HKDC1: variants seen among roughly 807,000 people sequenced by gnomAD.
HKDC1 encodes hexokinase domain containing 1.
A neutral mutation model predicts 96.6 loss-of-function variants in HKDC1; 66 were observed. That is an observed-to-expected ratio of 0.68 (90% CI 0.56 to 0.84). The LOEUF (loss-of-function observed/expected upper bound fraction) is 0.84. HKDC1 is among the 40% of genes least tolerant of loss of function. HKDC1 has a pLI of 0.00. For missense variants in HKDC1, 1,211 were observed against 1,208.1 expected (o/e 1.00, Z -0.04); for synonymous variants, 466 against 473.1 (o/e 0.98, Z 0.20).
At chr10:69,252,379 C>A (rs1843656123) in intron 12 of HKDC1, among the ~76,000 whole-genome samples, 1 of 152,102 alleles carries the variant, frequency 6.6e-6, no homozygotes, top group African/African-American at 2.4e-5. Context: ...GGAGCGGTGG[C>A]TCATGCCTAT....
At chr10:69,222,238 A>C (rs1047763500) in intron 1 of HKDC1, among the ~76,000 whole-genome samples, 12 of 152,228 alleles carry the variant, frequency 7.9e-5, no homozygotes, top group African/African-American at 2.9e-4. Context: ...AAACAAAGAA[A>C]GAGAGAGAGG....
At chr10:69,229,101 A>G (rs551379268) in intron 2 of HKDC1, among the ~76,000 whole-genome samples, 24 of 152,362 alleles carry the variant, frequency 1.6e-4, no homozygotes, top group Non-Finnish European at 3.2e-4. Flanking sequence ...GTGGCTGTTC[A>G]GACAGAACCA....
At chr10:69,235,409 G>A (rs1454666173) in intron 4 of HKDC1, among the ~76,000 whole-genome samples, 2 of 151,712 alleles carry the variant, frequency 1.3e-5, no homozygotes, top group South Asian at 2.1e-4. Context: ...GTGACAGCGC[G>A]AGACTCTGTC....
intron 15 of HKDC1, among the ~76,000 whole-genome samples, chr10:69,260,054 T>C (rs1564737259): frequency 1.3e-5 from 2 of 152,370 alleles, no homozygotes; most frequent in East Asian, 1.9e-4. Context: ...GCAGGCCATA[T>C]GGTCTTTATC....
rs528367576 is a variant in HKDC1 at position 69,226,140 on chromosome 10, G to T, written c.64-1067G>T. On this transcript the variant is annotated intron_variant, in intron 1 of 17. Transcript: ENST00000354624. Reference sequence around the variant, plus strand: ...ATTGATTAGTGTTAATTAGTGTGAGGGAGGAAGCTTTGCTGCCGTCCCTGA... The same window carrying T: ...ATTGATTAGTGTTAATTAGTGTGAGTGAGGAAGCTTTGCTGCCGTCCCTGA... Among the ~76,000 whole-genome samples, 3 of 152,124 alleles carry T rather than the reference G, an allele frequency of 2.0e-5. No homozygotes were observed. In the East Asian group the frequency reaches 5.8e-4, roughly 29 times the overall value.
chr10:69,255,859 G>C, intron 12 of HKDC1, among the ~76,000 whole-genome samples: 1 of 151,660 alleles, frequency 6.6e-6, no homozygotes, highest in South Asian at 2.1e-4. Flanking sequence ...AGAGGTTGCG[G>C]TGAGTTGAGA....
At chr10:69,222,492 A>G (rs567019284) in intron 1 of HKDC1, among the ~76,000 whole-genome samples, 88 of 152,262 alleles carry the variant, frequency 5.8e-4, no homozygotes, top group African/African-American at 2.1e-3. Context: ...CCCAAGGGGG[A>G]GCCTTTGGAA....
At chr10:69,235,522 A>G (rs1396870681) in intron 4 of HKDC1, among the ~76,000 whole-genome samples, 1 of 152,166 alleles carries the variant, frequency 6.6e-6, no homozygotes, top group African/African-American at 2.4e-5. Flanking sequence ...TGGCTGGCAG[A>G]GAAAGGTCCT....
chr10:69,244,763 G>A (rs908122969), intron 7 of HKDC1, among the ~76,000 whole-genome samples: 2 of 152,020 alleles, frequency 1.3e-5, no homozygotes, highest in Non-Finnish European at 2.9e-5. Context: ...GAGGTCCAGG[G>A]TGCAGTAAGC....
intron 4 of HKDC1, among the ~76,000 whole-genome samples, chr10:69,233,669 C>G (rs575905685): frequency 1.3e-5 from 2 of 150,728 alleles, no homozygotes; most frequent in African/African-American, 4.9e-5. Flanking sequence ...GAGGCCGAGG[C>G]GGGCGGATCA....
intron 12 of HKDC1, among the ~76,000 whole-genome samples, chr10:69,251,850 C>T (rs2132365494): frequency 6.6e-6 from 1 of 151,696 alleles, no homozygotes; most frequent in East Asian, 1.9e-4. Context: ...ACCTCTGCCT[C>T]CCGGGTTCAA....
chr10:69,252,355 A>C (rs1843655522), intron 12 of HKDC1, among the ~76,000 whole-genome samples: 1 of 151,928 alleles, frequency 6.6e-6, no homozygotes, highest in Non-Finnish European at 1.5e-5. Context: ...CTTAAAAAAC[A>C]AACAAACAGG....
chr10:69,221,879 C>A (rs1843071427), intron 1 of HKDC1, among the ~76,000 whole-genome samples: 2 of 151,790 alleles, frequency 1.3e-5, no homozygotes, highest in South Asian at 4.2e-4. Flanking sequence ...CTACTGCACT[C>A]CAGCCTGGGT....
chr10:69,243,353 C>A lies in HKDC1; in HGVS notation c.863C>A (p.Pro288Gln). 1 of 1,585,210 alleles carries A rather than the reference C, an allele frequency of 6.3e-7. No individual in the cohort carries two copies. The highest frequency in any genetic ancestry group is 1.2e-5 in the South Asian group (1 of 86,034). Reference protein sequence around the residue: ...DRELDLGSLNPGKQLFEKMIS... With the variant: ...DRELDLGSLNQGKQLFEKMIS... Reference sequence around the variant, plus strand: ...GAGCTGGACCTCGGCTCTCTCAACCCAGGAAAGCAACTGTGAGTTCCCTTC... The same window carrying A: ...GAGCTGGACCTCGGCTCTCTCAACCAAGGAAAGCAACTGTGAGTTCCCTTC... The change falls in exon 7 of 18, where the codon CCA (proline) becomes CAA (glutamine). Residue 288 changes from proline (P) to glutamine (Q), a missense_variant. Pro to Gln is a moderately conservative substitution (Grantham distance 76). Coordinates refer to ENST00000354624, the MANE Select transcript of HKDC1 (RefSeq NM_025130.4).
chr10:69,226,512 G>A (rs989746236), intron 1 of HKDC1, among the ~76,000 whole-genome samples: 2 of 151,886 alleles, frequency 1.3e-5, no homozygotes, highest in African/African-American at 2.4e-5. Context: ...AAAATTAGTC[G>A]GGCCTGGTGG....
chr10:69,239,322 A>G (rs2132348139), intron 5 of HKDC1, among the ~76,000 whole-genome samples, 185 bp downstream of exon 5: 1 of 152,366 alleles, frequency 6.6e-6, no homozygotes, highest in South Asian at 2.1e-4. Flanking sequence ...ATGAACCCAC[A>G]GAGCCTTGGT....
At chr10:69,240,228 G>A (rs1360907488) in intron 5 of HKDC1, among the ~76,000 whole-genome samples, 3 of 152,128 alleles carry the variant, frequency 2.0e-5, no homozygotes, top group Non-Finnish European at 4.4e-5. Flanking sequence ...GGAGGATCAC[G>A]TGAGCCCAGG....
At chr10:69,262,563 G>C (rs779855694) in intron 16 of HKDC1, among the ~76,000 whole-genome samples, 1 of 151,844 alleles carries the variant, frequency 6.6e-6, no homozygotes, top group Non-Finnish European at 1.5e-5. Flanking sequence ...TAATTCTCTT[G>C]GTCTTTATGG....
intron 12 of HKDC1, among the ~76,000 whole-genome samples, chr10:69,250,864 G>T (rs1564734018): frequency 1.3e-5 from 2 of 152,166 alleles, no homozygotes; most frequent in Non-Finnish European, 2.9e-5. Context: ...ATTTAGAGTA[G>T]TATGCAATAA....
Sources: gnomAD v4.1 joint callset for allele counts (sites outside exome capture counted in the v4.1 genomes callset) on GRCh38, gnomAD v4.1.1 for gene constraint, MANE v1.5 for transcripts, NCBI Gene and HGNC (gene_info 2026-07-23, HGNC 2026-07-21) for gene names.